Variants in SPATA22 observed in about 807,000 individuals in gnomAD.
SPATA22 encodes the protein spermatogenesis associated 22, also known as spermatogenesis-associated protein 22.
In SPATA22, 29 loss-of-function variants were observed where a neutral mutation model predicts 47.8. The observed-to-expected ratio is 0.61, with a 90% CI of 0.45 to 0.83. SPATA22 has a LOEUF of 0.83. Among genes scored for constraint, SPATA22 ranks in the 40% least tolerant of loss-of-function variants. SPATA22 has a pLI of 0.00. For synonymous variants in SPATA22, 133 were observed against 140.9 expected, an observed-to-expected ratio of 0.94 and a Z score of 0.40; for missense variants, 410 against 421.7, an observed-to-expected ratio of 0.97 and a Z score of 0.24.
In SPATA22 at chr17:3,490,458, T is replaced by G. The variant is rs2073805203; in HGVS notation, c.-73-21060A>C. Among the ~76,000 whole-genome samples, 1 of 152,222 alleles carries G rather than the reference T, an allele frequency of 6.6e-6. No homozygotes were observed. The highest frequency in any genetic ancestry group is 1.5e-5 in the Non-Finnish European group (1 of 68,042). Reference sequence around the variant, plus strand: ...CCAACAGACTGAGTTGAAATTGTTGTTGAGGAATGGGCAATTATAATAACA... The same window carrying G: ...CCAACAGACTGAGTTGAAATTGTTGGTGAGGAATGGGCAATTATAATAACA... On this transcript the variant is annotated intron_variant, in intron 1 of 8. Coordinates refer to the SPATA22 transcript ENST00000541913. The surrounding 1 kb of genome is among the most constrained non-coding windows in gnomAD (Gnocchi z 4.6).
chr17:3,471,952 C>G (rs745848398), upstream of SPATA22: 20 of 755,644 alleles, frequency 2.6e-5, no homozygotes, highest in African/African-American at 2.9e-4. Flanking sequence ...CGTTCTCACA[C>G]TGTGGACCCA....
At chr17:3,486,405 T>G (rs1349760416) in intron 1 of SPATA22, among the ~76,000 whole-genome samples, 1 of 152,190 alleles carries the variant, frequency 6.6e-6, no homozygotes, top group Non-Finnish European at 1.5e-5. Context: ...AGAAGATCCA[T>G]GAAGAATCCT....
At chr17:3,505,529 A>T (rs1324954072) in intron 1 of SPATA22, among the ~76,000 whole-genome samples, 3 of 152,112 alleles carry the variant, frequency 2.0e-5, no homozygotes, top group Non-Finnish European at 4.4e-5. Flanking sequence ...TGAACCACAT[A>T]CAGGCAGTGC....
intron 1 of SPATA22, among the ~76,000 whole-genome samples, chr17:3,491,877 C>CTTTTTTTTTT (rs540965896): frequency 3.3e-5 from 4 of 123,060 alleles, no homozygotes; most frequent in African/African-American, 9.2e-5. Flanking sequence ...CTTTTGTTTT[C>CTTTTTTTTTT]TTTTTTTTTT....
intron 5 of SPATA22, among the ~76,000 whole-genome samples, chr17:3,453,468 T>TA (rs1191292188): frequency 1.3e-5 from 2 of 151,900 alleles, no homozygotes; most frequent in South Asian, 2.1e-4. Flanking sequence ...CAGTTTACTC[T>TA]AAAAAAAATA....
intron 1 of SPATA22, among the ~76,000 whole-genome samples, chr17:3,477,412 G>A (rs2073544650): frequency 6.6e-6 from 1 of 152,082 alleles, no homozygotes; most frequent in Non-Finnish European, 1.5e-5. Context: ...CTACCACTGT[G>A]GATATAATAT....
At chr17:3,475,498 A>C (rs1003523953), upstream of SPATA22, 24 of 152,400 alleles carry the variant, frequency 1.6e-4, no homozygotes, top group African/African-American at 5.3e-4. Context: ...GGGATGTTTC[A>C]GGGTAGCTTT....
intron 1 of SPATA22, chr17:3,512,506 G>T (rs1020389347): frequency 1.3e-5 from 2 of 152,200 alleles, no homozygotes; most frequent in Non-Finnish European, 2.9e-5. Flanking sequence ...CATGTTATCT[G>T]AAGGCCAAAT....
At chr17:3,486,750 AT>A (rs1167246514) in intron 1 of SPATA22, among the ~76,000 whole-genome samples, 3 of 152,230 alleles carry the variant, frequency 2.0e-5, no homozygotes, top group African/African-American at 7.2e-5. Context: ...ATATAAATAA[AT>A]TAAAATCTAA....
At chr17:3,451,162 G>A (rs1597391768) in intron 5 of SPATA22, among the ~76,000 whole-genome samples, 1 of 151,252 alleles carries the variant, frequency 6.6e-6, no homozygotes, top group East Asian at 2.0e-4. Context: ...GGGTGGCTAA[G>A]TTTATGTCAG....
chr17:3,507,026 G>T (rs1461566347), intron 1 of SPATA22, among the ~76,000 whole-genome samples: 1 of 151,778 alleles, frequency 6.6e-6, no homozygotes, highest in East Asian at 1.9e-4. Flanking sequence ...GGAGGAGGGA[G>T]TGGGGAGGCG....
At chr17:3,500,957 A>C (rs999878862) in intron 1 of SPATA22, 2 of 152,242 alleles carry the variant, frequency 1.3e-5, no homozygotes, top group African/African-American at 4.8e-5. Flanking sequence ...TGGGAAAAAA[A>C]AAAATTCCTT....
chr17:3,482,505 C>T (rs1177930380), intron 1 of SPATA22, among the ~76,000 whole-genome samples: 2 of 150,956 alleles, frequency 1.3e-5, no homozygotes, highest in Non-Finnish European at 3.0e-5. Context: ...AGAGTGTGGC[C>T]TGTGCTCAGA....
chr17:3,469,103 C>T (rs1304578166), intron 2 of SPATA22, among the ~76,000 whole-genome samples, 180 bp downstream of exon 2: 1 of 152,120 alleles, frequency 6.6e-6, no homozygotes, highest in Admixed American at 6.5e-5. Context: ...GATCTTACTC[C>T]CACCTCTACC....
intron 5 of SPATA22, among the ~76,000 whole-genome samples, chr17:3,454,520 A>T (rs1379082463): frequency 8.6e-5 from 13 of 151,688 alleles, no homozygotes; most frequent in Non-Finnish European, 1.5e-5. Flanking sequence ...TCATTGTTCA[A>T]TTCCCATCTA....
chr17:3,477,184 G>A (rs540916886), intron 1 of SPATA22, among the ~76,000 whole-genome samples: 802 of 152,050 alleles, frequency 5.3e-3, no homozygotes, highest in Non-Finnish European at 9.1e-3. Context: ...TAAAAATAAA[G>A]ACATCAGACC....
chr17:3,464,704 C>T (rs1476385629), intron 3 of SPATA22, among the ~76,000 whole-genome samples: 3 of 150,554 alleles, frequency 2.0e-5, no homozygotes, highest in Admixed American at 1.3e-4. Context: ...CGTCTCTGCC[C>T]AGCCGCCCCA....
intron 6 of SPATA22, among the ~76,000 whole-genome samples, chr17:3,447,138 A>AC (rs1227436261): frequency 1.3e-5 from 2 of 152,148 alleles, no homozygotes; most frequent in African/African-American, 4.8e-5. Flanking sequence ...CAGGAAATGT[A>AC]CTTTTTTTTT....
chr17:3,470,792 A>T (rs2073414810), intron 1 of SPATA22, among the ~76,000 whole-genome samples: 1 of 151,538 alleles, frequency 6.6e-6, no homozygotes, highest in East Asian at 2.0e-4. Flanking sequence ...ACACGAGGTC[A>T]GGTGCTGCCT....
Sources: allele counts gnomAD v4.1 joint callset (sites outside exome capture counted in the v4.1 genomes callset), GRCh38; gene constraint gnomAD v4.1.1; non-coding constraint Gnocchi (gnomAD v3.1); transcripts MANE v1.5; gene names NCBI Gene and HGNC (gene_info 2026-07-23, HGNC 2026-07-21).